The following PCNX2 variants were observed in gnomAD, a reference collection of about 807,000 sequenced individuals.
The protein encoded by PCNX2 is pecanex 2.
In PCNX2, 168 loss-of-function variants were observed where a neutral mutation model predicts 223.8. The observed-to-expected ratio is 0.75, with a 90% CI of 0.66 to 0.85. The LOEUF is 0.85. PCNX2 is among the 40% of genes least tolerant of loss of function. The probability of loss-of-function intolerance (pLI) is 0.00; values close to 1 mark genes in which losing one functional copy is unlikely to be tolerated. For missense variants in PCNX2, 2,507 were observed against 2,675.5 expected (o/e 0.94, Z 1.39); for synonymous variants, 1,006 against 1,052.6 (o/e 0.96, Z 0.86).
intron 9 of PCNX2, 69 bp downstream of exon 9, chr1:233,236,776 C>T: frequency 6.4e-7 from 1 of 1,574,580 alleles, no homozygotes; most frequent in South Asian, 1.2e-5. Flanking sequence ...AGTAATCCAA[C>T]CTGGAAAAAG....
chr1:233,305,398 T>C, the PCNX2 span, among the ~76,000 whole-genome samples: 1,622 of 152,288 alleles, frequency 0.011, 29 homozygotes, highest in African/African-American at 0.037. Flanking sequence ...AAGATGCTAA[T>C]TGTAATCTCT....
intron 1 of PCNX2, among the ~76,000 whole-genome samples, chr1:233,277,569 T>C (rs547241276): frequency 8.5e-5 from 13 of 152,224 alleles, no homozygotes; most frequent in Admixed American, 3.3e-4. Context: ...ATTTAAACAC[T>C]ACAGAGGGGC....
the PCNX2 span, among the ~76,000 whole-genome samples, chr1:233,325,386 C>A: frequency 6.6e-6 from 1 of 151,574 alleles, no homozygotes; most frequent in East Asian, 1.9e-4. Flanking sequence ...AGGCCAGGCA[C>A]GATAGCTCAC....
At chr1:233,063,332 T>C (rs1340580172) in intron 23 of PCNX2, among the ~76,000 whole-genome samples, 1 of 151,922 alleles carries the variant, frequency 6.6e-6, no homozygotes, top group Non-Finnish European at 1.5e-5. Flanking sequence ...TATACACATT[T>C]GATGAGAATG....
intron 15 of PCNX2, among the ~76,000 whole-genome samples, chr1:233,181,871 T>C (rs545487310): frequency 3.3e-4 from 50 of 152,326 alleles, no homozygotes; most frequent in South Asian, 2.1e-4. Context: ...TCGCCTCCAA[T>C]ACCATTACAT....
At chr1:233,102,424 G>C (rs1359442707) in intron 21 of PCNX2, among the ~76,000 whole-genome samples, 1 of 152,114 alleles carries the variant, frequency 6.6e-6, no homozygotes, top group Non-Finnish European at 1.5e-5. Flanking sequence ...TGACATTTCA[G>C]TTCTAGTTTT....
At chr1:233,160,135 G>T (rs1351709663) in intron 19 of PCNX2, 148 bp downstream of exon 19, 20 of 821,068 alleles carry the variant, frequency 2.4e-5, no homozygotes, top group Non-Finnish European at 3.6e-5. Context: ...TTTTTATTGT[G>T]GTAAAATACA....
At chr1:233,107,227 C>A (rs1265495136) in intron 21 of PCNX2, among the ~76,000 whole-genome samples, 1 of 151,090 alleles carries the variant, frequency 6.6e-6, no homozygotes, top group East Asian at 1.9e-4. Flanking sequence ...CCATGCACAG[C>A]CTTTTTATGT....
At chr1:233,116,401 AAAAC>A (rs896613518) in intron 21 of PCNX2, among the ~76,000 whole-genome samples, 2 of 152,054 alleles carry the variant, frequency 1.3e-5, no homozygotes, top group African/African-American at 2.4e-5. Flanking sequence ...CACAGACATT[AAAAC>A]AAACAAACAA....
At chr1:233,085,920 G>A (rs549176055) in intron 23 of PCNX2, among the ~76,000 whole-genome samples, 33 of 152,256 alleles carry the variant, frequency 2.2e-4, no homozygotes, top group African/African-American at 7.9e-4. Flanking sequence ...CCAAATTCCT[G>A]ACCCATAGAA....
chr1:233,078,819 T>C (rs1204224021), intron 23 of PCNX2, among the ~76,000 whole-genome samples: 3 of 152,264 alleles, frequency 2.0e-5, no homozygotes, highest in Admixed American at 1.3e-4. Context: ...GCAATGCTGT[T>C]TGAGAAATTC....
At chr1:233,124,995 T>C (rs543353181) in intron 21 of PCNX2, among the ~76,000 whole-genome samples, 1 of 152,312 alleles carries the variant, frequency 6.6e-6, no homozygotes, top group East Asian at 1.9e-4. Flanking sequence ...ACTTGGTCAT[T>C]TACAAATAGG....
chr1:233,134,635 G>A (rs1192538418), intron 21 of PCNX2: 2 of 247,588 alleles, frequency 8.1e-6, no homozygotes, highest in East Asian at 7.7e-5. Context: ...GGTAAGAAGG[G>A]AGGGAGACAG....
At chr1:233,106,181 T>C (rs1674763048) in intron 21 of PCNX2, among the ~76,000 whole-genome samples, 1 of 152,178 alleles carries the variant, frequency 6.6e-6, no homozygotes, top group Admixed American at 6.5e-5. Flanking sequence ...ACACACTCTG[T>C]CTTCCTTTAC....
intron 10 of PCNX2, among the ~76,000 whole-genome samples, chr1:233,226,822 C>T (rs1239476673): frequency 1.3e-5 from 2 of 152,182 alleles, no homozygotes; most frequent in African/African-American, 4.8e-5. Context: ...CATGCCCACA[C>T]CCAGTCAAGC....
At chr1:233,043,156 A>T (rs1048363549) in intron 25 of PCNX2, among the ~76,000 whole-genome samples, 1 of 152,164 alleles carries the variant, frequency 6.6e-6, no homozygotes. Context: ...CAGCATGGTG[A>T]TTCCTCATTC....
rs146861584 is a variant in PCNX2 at position 233,262,109 on chromosome 1, G to A, written c.416C>T (p.Thr139Met). ...TCTGGAGCTGCAGCGGAGGGGAGGC[G>A]TGGAGAGGTTTCGACTGGCCTCTTC... The part of the protein sequence containing the change: ...KKEEASRNLS[T>M]PPLRCSSRGQ... The change falls in exon 3 of 34, where the codon ACG becomes ATG. Residue 139 changes from threonine to methionine, a missense_variant. Thr to Met is a moderately conservative substitution (Grantham distance 81). This residue lies in a region of PCNX2 where 1,031 missense variants were observed against 1,021.7 expected (regional missense o/e 1.01). Transcript: ENST00000258229. The A allele has an allele frequency of 6.0e-5, 97 of 1,613,846 alleles. No homozygotes were observed. The African/African-American group carries it at 8.1e-4, about 14-fold the overall frequency.
At chr1:233,102,272 T>C (rs977296445) in intron 21 of PCNX2, among the ~76,000 whole-genome samples, 2 of 152,156 alleles carry the variant, frequency 1.3e-5, no homozygotes, top group South Asian at 2.1e-4. Context: ...TCTTTATCCA[T>C]TCATCTGCTG....
At chr1:233,103,418 C>T (rs1450364764) in intron 21 of PCNX2, among the ~76,000 whole-genome samples, 2 of 152,020 alleles carry the variant, frequency 1.3e-5, no homozygotes, top group Admixed American at 6.6e-5. Context: ...TCACCACCTC[C>T]TCCCAATGTG....
Sources: gnomAD v4.1 joint callset for allele counts (sites outside exome capture counted in the v4.1 genomes callset) on GRCh38, gnomAD v4.1.1 for gene constraint, gnomAD v4.1.1 regional missense constraint, MANE v1.5 for transcripts, NCBI Gene and HGNC (gene_info 2026-07-23, HGNC 2026-07-21) for gene names.